The following SMYD3 variants were observed in gnomAD, a reference collection of about 807,000 sequenced individuals.
The protein encoded by SMYD3 is SET and MYND domain containing 3, also known as histone-lysine N-methyltransferase SMYD3.
SMYD3 carries 36 observed loss-of-function variants against 57.7 expected under a neutral mutation model. The observed-to-expected ratio is 0.62, with a 90% CI of 0.48 to 0.82. The LOEUF (loss-of-function observed/expected upper bound fraction) is 0.82, where lower values mean the gene tolerates loss of function less well. Ranked by LOEUF, SMYD3 falls within the 40% of genes least tolerant of loss-of-function variation. SMYD3 has a pLI of 0.00. For synonymous variants in SMYD3, 211 were observed against 195.0 expected (o/e 1.08, Z -0.68); for missense variants, 515 against 538.8 (o/e 0.96, Z 0.44).
chr1:245,778,098 G>C (rs1192405621), intron 10 of SMYD3, among the ~76,000 whole-genome samples: 1 of 152,144 alleles, frequency 6.6e-6, no homozygotes, highest in East Asian at 1.9e-4. Flanking sequence ...TAAAGATGAT[G>C]AGTCTCTTTA....
At chr1:246,438,122 A>T (rs2067407981) in intron 1 of SMYD3, among the ~76,000 whole-genome samples, 1 of 152,224 alleles carries the variant, frequency 6.6e-6, no homozygotes, top group Non-Finnish European at 1.5e-5. Context: ...CCCATCTGCT[A>T]TGCAAAAAAG....
intron 5 of SMYD3, among the ~76,000 whole-genome samples, chr1:246,093,420 G>A (rs914457602): frequency 6.6e-6 from 1 of 152,150 alleles, no homozygotes; most frequent in Admixed American, 6.5e-5. Context: ...TATGTGTGGT[G>A]GAATATTACT....
intron 11 of SMYD3, among the ~76,000 whole-genome samples, chr1:245,762,889 G>T (rs1227658814): frequency 1.3e-5 from 2 of 152,174 alleles, no homozygotes; most frequent in African/African-American, 4.8e-5. Context: ...TGGCGGCCCA[G>T]AGGGTCCTGT....
intron 5 of SMYD3, among the ~76,000 whole-genome samples, chr1:246,268,361 A>C (rs1372522529): frequency 6.6e-6 from 1 of 152,160 alleles, no homozygotes; most frequent in African/African-American, 2.4e-5. Flanking sequence ...TATATGATCT[A>C]AAAAGGGGAG....
intron 8 of SMYD3, among the ~76,000 whole-genome samples, chr1:245,865,319 T>C (rs1054121906): frequency 6.6e-6 from 1 of 152,170 alleles, no homozygotes; most frequent in Non-Finnish European, 1.5e-5. Context: ...ACACTGTCTA[T>C]AGAATACTAA....
intron 5 of SMYD3, among the ~76,000 whole-genome samples, chr1:246,102,755 A>AAAAAAT (rs200094097): frequency 4.1e-5 from 6 of 146,924 alleles, no homozygotes; most frequent in East Asian, 2.0e-4. Context: ...AAAAAAAAAA[A>AAAAAAT]AATAATAATA....
At chr1:245,927,758 GGGAGAAGAAA>G (rs2056472081) in intron 7 of SMYD3, among the ~76,000 whole-genome samples, 163 bp downstream of exon 7, 1 of 152,138 alleles carries the variant, frequency 6.6e-6, no homozygotes, top group Non-Finnish European at 1.5e-5. Flanking sequence ...TTTGTAATTT[GGGAGAAGAAA>G]GGATAGGTTG....
intron 1 of SMYD3, among the ~76,000 whole-genome samples, chr1:246,376,696 T>C (rs1290899946): frequency 1.3e-5 from 2 of 152,030 alleles, no homozygotes; most frequent in Non-Finnish European, 2.9e-5. Context: ...CAAAACTTTC[T>C]GGTCTCAGTC....
At chr1:245,966,448 C>A (rs938472058) in intron 5 of SMYD3, among the ~76,000 whole-genome samples, 4 of 152,156 alleles carry the variant, frequency 2.6e-5, no homozygotes, top group Non-Finnish European at 5.9e-5. Flanking sequence ...GGATTACAGG[C>A]GCACATCACG....
At chr1:245,826,453 G>A (rs536104476) in intron 10 of SMYD3, among the ~76,000 whole-genome samples, 5 of 152,054 alleles carry the variant, frequency 3.3e-5, no homozygotes, top group East Asian at 3.9e-4. Context: ...GGGCTCAAGC[G>A]ATCCTCCTGC....
At chr1:246,441,079 C>A (rs2067455717) in intron 1 of SMYD3, among the ~76,000 whole-genome samples, 1 of 152,018 alleles carries the variant, frequency 6.6e-6, no homozygotes, top group African/African-American at 2.4e-5. Context: ...TTTGTGCGTC[C>A]CCACTTACCC....
At chr1:246,242,685 G>C (rs1388716947) in intron 5 of SMYD3, among the ~76,000 whole-genome samples, 20 of 151,232 alleles carry the variant, frequency 1.3e-4, no homozygotes, top group Non-Finnish European at 2.6e-4. Context: ...CCATCAGTGT[G>C]CTGTATTTAG....
chr1:246,445,432 C>A (rs1278799047), intron 1 of SMYD3, among the ~76,000 whole-genome samples: 2 of 152,128 alleles, frequency 1.3e-5, no homozygotes, highest in Admixed American at 1.3e-4. Context: ...ATGAATGTAA[C>A]CCCAATCAGA....
At position 246,052,839 on chromosome 1, in the gene SMYD3, T is replaced by C. The variant is rs1572948883; in HGVS notation, c.532-122902A>G. On this transcript the variant is annotated intron_variant, in intron 5 of 11. Coordinates refer to ENST00000490107, the MANE Select transcript of SMYD3 (RefSeq NM_001167740.2). The stretch of plus-strand genomic sequence containing the variant: ...CAGGAAGTAATTATGGGAGATTAAG[T>C]GTAAGGCACTTTGTACTTTGCCTGT... 3.3e-5 allele frequency: 5 copies of C among 152,330 alleles called. 1 individual carries two copies. The highest frequency in any genetic ancestry group is 3.3e-4 in the Admixed American group (5 of 15,300). The allele number at this position is 152,330 out of a possible 1,614,324, so 9.4% of individuals were successfully genotyped here. A position where few individuals can be genotyped will look rare whatever the true frequency, so the allele number is the denominator to read the frequency against.
intron 7 of SMYD3, among the ~76,000 whole-genome samples, chr1:245,927,674 C>T (rs114182406): frequency 0.013 from 1,977 of 152,252 alleles, 43 homozygotes; most frequent in African/African-American, 0.045. Flanking sequence ...ACAAACTCCT[C>T]TCTCTCTCAC....
Position 246,467,990 on chromosome 1 carries a change from G to A in SMYD3, c.164+39064C>T, listed in dbSNP as rs148341267. On this transcript the variant is annotated intron_variant, in intron 1 of 11. Coordinates refer to ENST00000490107, the MANE Select transcript of SMYD3 (RefSeq NM_001167740.2). ...AGCCTGGGCAACATGGCGAAACCCC[G>A]TTTCTACTAAAATTACAAAAATTAG... Among the ~76,000 whole-genome samples, 359 of 150,172 alleles carry A rather than the reference G, an allele frequency of 2.4e-3. 1 individual carries two copies. The highest frequency in any genetic ancestry group is 7.0e-3 in the Middle Eastern group (2 of 284).
chr1:245,855,194 G>T (rs1029897678), intron 10 of SMYD3, among the ~76,000 whole-genome samples: 6 of 152,136 alleles, frequency 3.9e-5, no homozygotes, highest in African/African-American at 1.4e-4. Context: ...TTCAAAGCCG[G>T]AAACACCCTC....
At chr1:246,231,126 G>A (rs991609561) in intron 5 of SMYD3, among the ~76,000 whole-genome samples, 5 of 152,172 alleles carry the variant, frequency 3.3e-5, no homozygotes, top group African/African-American at 1.2e-4. Context: ...CATGGCATTG[G>A]ACGTGCTCGG....
rs757046573 is a variant in SMYD3, at chr1:245,764,082, G to A, written c.1144C>T (p.His382Tyr). The A allele has an allele frequency of 6.2e-7, 1 of 1,614,084 alleles. No homozygotes were observed. The highest frequency in any genetic ancestry group is 8.5e-7 in the Non-Finnish European group (1 of 1,179,976). The change falls in exon 11 of 12, where the codon CAT becomes TAT. Residue 382 changes from histidine to tyrosine, a missense_variant. Transcript: ENST00000490107. ...ATTGCTTGGGGAAACATGCCTTGAT[G>A]TAGCTGCAGTTTGCCAACTTTCATC... ...QVMKVGKLQL[H>Y]QGMFPQAMKN...
Sources: gnomAD v4.1 joint callset for allele counts (sites outside exome capture counted in the v4.1 genomes callset) on GRCh38, gnomAD v4.1.1 for gene constraint, MANE v1.5 for transcripts, NCBI Gene and HGNC (gene_info 2026-07-23, HGNC 2026-07-21) for gene names.